ADAP1: variants seen among roughly 807,000 people sequenced by gnomAD.
ADAP1 encodes arf-GAP with dual PH domain-containing protein 1.
Under a neutral mutation model 54.9 loss-of-function variants are expected in ADAP1, and 31 were observed. The ratio of observed to expected loss-of-function variants is 0.56; its 90% CI spans 0.42 to 0.76. The LOEUF (loss-of-function observed/expected upper bound fraction) is 0.76, where lower values mean the gene tolerates loss of function less well. Ranked by LOEUF, ADAP1 falls within the 30% of genes least tolerant of loss-of-function variation. The pLI, the probability that ADAP1 is intolerant of heterozygous loss-of-function variation, is 0.00. For missense variants in ADAP1, 535 were observed against 512.4 expected (o/e 1.04, Z -0.42); for synonymous variants, 313 against 202.6 (o/e 1.55, Z -4.63).
At chr7:928,879 T>C (rs1029622424) in intron 2 of ADAP1, among the ~76,000 whole-genome samples, 13 of 152,234 alleles carry the variant, frequency 8.5e-5, no homozygotes, top group Non-Finnish European at 1.3e-4. Flanking sequence ...GACATGCACA[T>C]GAGTGTTCAC....
At chr7:934,407 A>T (rs1304057990) in intron 2 of ADAP1, among the ~76,000 whole-genome samples, 2 of 151,986 alleles carry the variant, frequency 1.3e-5, no homozygotes, top group African/African-American at 4.8e-5. Context: ...GCCCAGGGTC[A>T]ATGGTGCTGG....
At chr7:899,822 C>T (rs1266185458) in intron 8 of ADAP1, among the ~76,000 whole-genome samples, 1 of 152,186 alleles carries the variant, frequency 6.6e-6, no homozygotes, top group Non-Finnish European at 1.5e-5. Context: ...CACATTATGC[C>T]TCAGGGAATG....
chr7:913,278 G>C (rs995408445), intron 4 of ADAP1, among the ~76,000 whole-genome samples: 1 of 139,112 alleles, frequency 7.2e-6, no homozygotes, highest in African/African-American at 2.7e-5. Context: ...TCCACTCACT[G>C]CAAGCTCCAC....
chr7:901,254 T>G (rs1436915305), intron 6 of ADAP1: 2 of 352,120 alleles, frequency 5.7e-6, no homozygotes, highest in Middle Eastern at 1.0e-3. Flanking sequence ...AGCCTGGCTG[T>G]CCCCTGCCCC....
At chr7:901,931 T>C (rs1844838141) in intron 6 of ADAP1, among the ~76,000 whole-genome samples, 1 of 151,576 alleles carries the variant, frequency 6.6e-6, no homozygotes, top group Non-Finnish European at 1.5e-5. Flanking sequence ...GGTTGGAAAA[T>C]CGCCCCTTTT....
intron 1 of ADAP1, among the ~76,000 whole-genome samples, chr7:948,718 A>G (rs377694611): frequency 1.1e-3 from 162 of 151,410 alleles, no homozygotes; most frequent in African/African-American, 3.7e-3. Context: ...TTCCCTTGAG[A>G]CAGAATATCA....
intron 4 of ADAP1, among the ~76,000 whole-genome samples, chr7:912,052 C>T (rs1053490466): frequency 5.9e-5 from 9 of 152,186 alleles, no homozygotes; most frequent in African/African-American, 9.6e-5. Context: ...ACTATATGGA[C>T]GGGGAAACCG....
At chr7:939,364 C>T (rs1398701632) in intron 1 of ADAP1, among the ~76,000 whole-genome samples, 3 of 152,044 alleles carry the variant, frequency 2.0e-5, no homozygotes, top group East Asian at 2.0e-4. Flanking sequence ...GGATTACAGG[C>T]GTGCACCACC....
intron 6 of ADAP1, chr7:901,008 C>G (rs1275438717): frequency 1.4e-5 from 7 of 483,822 alleles, no homozygotes; most frequent in African/African-American, 1.4e-4. Flanking sequence ...TTATGAAGAT[C>G]CTTATTTTGT....
rs1449528935 is a variant in ADAP1, at chr7:899,228, T to C, written c.901A>G (p.Ser301Gly). 4 of 1,612,678 alleles carry C rather than the reference T, an allele frequency of 2.5e-6. No individual in the cohort carries two copies. The highest frequency in any genetic ancestry group is 3.4e-6 in the Non-Finnish European group (4 of 1,179,964). ...AFARGEVFIGSKESGYTVLHG... is the reference protein window; with the variant it reads ...AFARGEVFIGGKESGYTVLHG... ...AGCACCGTGTAGCCACTCTCCTTGC[T>C]GCCAATGAAGACTTCCCCTCGGGCG... The change falls in exon 10 of 11, where the codon AGC becomes GGC. Residue 301 changes from serine (S) to glycine (G), a missense_variant. Ser to Gly is a moderately conservative substitution (Grantham distance 56). Transcript: ENST00000265846.
intron 1 of ADAP1, 92 bp downstream of exon 1, chr7:954,304 C>A (rs924555939): frequency 2.0e-6 from 2 of 987,410 alleles, no homozygotes; most frequent in South Asian, 4.5e-5. Flanking sequence ...CGCGCTCCCC[C>A]GCCCGGTCCC....
At position 905,810 on chromosome 7, in the gene ADAP1, A is replaced by G. The variant is rs867083670; in HGVS notation, c.389-638T>C. ...AGAAAGGAGAAAGGAGAAAGGAGAA[A>G]GGAGAAGGGAGAAGGGAGAAGGGAG... On this transcript the variant is annotated intron_variant, in intron 4 of 10. Transcript: ENST00000265846. Among the ~76,000 whole-genome samples, 287 of 29,550 alleles carry G rather than the reference A, an allele frequency of 9.7e-3. 5 individuals are homozygous for G. The highest frequency in any genetic ancestry group is 0.015 in the Admixed American group (35 of 2,314). 19.4% of individuals were successfully genotyped at this position (29,550 alleles called of 152,430 possible). A position where few individuals can be genotyped will look rare whatever the true frequency, so the allele number is the denominator to read the frequency against.
Position 920,985 on chromosome 7 carries a change from G to A in ADAP1, c.306-935C>T, listed in dbSNP as rs1367996372. Reference sequence around the variant, plus strand: ...GGAATCCTCGCCCACAGGATCTGATGGGTGATGGGTCCCAGCTGGGTCTCT... The same window carrying A: ...GGAATCCTCGCCCACAGGATCTGATAGGTGATGGGTCCCAGCTGGGTCTCT... On this transcript the variant is annotated intron_variant, in intron 3 of 10. Transcript: ENST00000265846. This position sits in a 1 kb window ranked among gnomAD's most constrained non-coding sequence, Gnocchi z 4.5. 17 of 929,496 alleles carry A rather than the reference G, an allele frequency of 1.8e-5. No homozygotes were observed. Among genetic ancestry groups the A allele is most frequent in the Non-Finnish European group, 2.4e-5 (15 of 613,644 alleles). 57.6% of individuals were successfully genotyped at this position (929,496 alleles called of 1,614,324 possible). A position where few individuals can be genotyped will look rare whatever the true frequency, so the allele number is the denominator to read the frequency against.
At chr7:937,899 G>A (rs552206137) in intron 1 of ADAP1, among the ~76,000 whole-genome samples, 1 of 152,150 alleles carries the variant, frequency 6.6e-6, no homozygotes, top group Non-Finnish European at 1.5e-5. Context: ...CCCAGACCCA[G>A]CACCCCCGGA....
At chr7:915,376 C>T (rs986963214) in intron 4 of ADAP1, among the ~76,000 whole-genome samples, 3 of 152,228 alleles carry the variant, frequency 2.0e-5, no homozygotes, top group Non-Finnish European at 2.9e-5. Flanking sequence ...ACAGCCCATG[C>T]GGCCTGGTCT....
At chr7:917,593 G>A (rs577671710) in intron 4 of ADAP1, among the ~76,000 whole-genome samples, 3 of 151,932 alleles carry the variant, frequency 2.0e-5, no homozygotes, top group African/African-American at 7.2e-5. Context: ...GCCTGCCGAG[G>A]AGCTGGGATT....
intron 4 of ADAP1, among the ~76,000 whole-genome samples, chr7:913,965 T>C (rs937117488): frequency 1.3e-5 from 2 of 152,100 alleles, no homozygotes; most frequent in Non-Finnish European, 2.9e-5. Flanking sequence ...AAAAGCCCGG[T>C]GGTGATCCTT....
chr7:900,889 G>A lies in ADAP1; in HGVS notation c.649-273C>T, dbSNP rs995917932. Reference sequence around the variant, plus strand: ...AGAAGGGCCGAAGGGCCGAAGGGCCGGGCCGGGCCGGGCTGGACAGGGTCG... The same window carrying A: ...AGAAGGGCCGAAGGGCCGAAGGGCCAGGCCGGGCCGGGCTGGACAGGGTCG... On this transcript the variant is annotated intron_variant, in intron 6 of 10. Coordinates refer to ENST00000265846, the MANE Select transcript of ADAP1 (RefSeq NM_006869.4). 2.4e-5 allele frequency: 14 copies of A among 583,912 alleles called. 1 individual carries two copies. Among genetic ancestry groups the A allele is most frequent in the Middle Eastern group, 3.6e-4 (1 of 2,772 alleles). The allele number at this position is 583,912 out of a possible 1,614,324, so 36.2% of individuals were successfully genotyped here. A position where few individuals can be genotyped will look rare whatever the true frequency, so the allele number is the denominator to read the frequency against.
chr7:936,426 C>G (rs1846762399), intron 1 of ADAP1, among the ~76,000 whole-genome samples: 1 of 152,134 alleles, frequency 6.6e-6, no homozygotes, highest in Non-Finnish European at 1.5e-5. Flanking sequence ...CTCTTGACCT[C>G]AAGTAATCCA....
Sources: gnomAD v4.1 joint callset for allele counts (sites outside exome capture counted in the v4.1 genomes callset) on GRCh38, gnomAD v4.1.1 for gene constraint, Gnocchi (gnomAD v3.1) non-coding constraint, MANE v1.5 for transcripts, NCBI Gene and HGNC (gene_info 2026-07-23, HGNC 2026-07-21) for gene names.